KIF26B: variants seen among roughly 807,000 people sequenced by gnomAD.
KIF26B encodes kinesin-like protein KIF26B.
Under a neutral mutation model 151.2 loss-of-function variants are expected in KIF26B, and 63 were observed. That is an observed-to-expected ratio of 0.42 (90% confidence interval 0.34 to 0.51). KIF26B has a LOEUF of 0.51. KIF26B is among the 20% of genes least tolerant of loss of function. KIF26B has a pLI of 0.07. For synonymous variants in KIF26B, 1,357 were observed against 1,262.1 expected, an observed-to-expected ratio of 1.08 and a Z score of -1.59; for missense variants, 2,813 against 2,913.6, an observed-to-expected ratio of 0.97 and a Z score of 0.79.
intron 12 of KIF26B, among the ~76,000 whole-genome samples, chr1:245,691,741 G>T (rs2044628872): frequency 6.6e-6 from 1 of 152,192 alleles, no homozygotes; most frequent in African/African-American, 2.4e-5. Context: ...TAGTAAAAAT[G>T]AACTAGAATT....
At chr1:245,619,074 G>A (rs1048112080) in intron 9 of KIF26B, among the ~76,000 whole-genome samples, 1 of 145,362 alleles carries the variant, frequency 6.9e-6, no homozygotes. Context: ...AGCCCTATTA[G>A]ACTATAGGTT....
At chr1:245,529,427 A>G (rs988514111) in intron 4 of KIF26B, among the ~76,000 whole-genome samples, 1 of 152,210 alleles carries the variant, frequency 6.6e-6, no homozygotes, top group Non-Finnish European at 1.5e-5. Context: ...CTTCTGAGAC[A>G]AAAGCCCCCA....
chr1:245,290,568 A>G (rs1671238765), intron 2 of KIF26B, among the ~76,000 whole-genome samples: 1 of 152,072 alleles, frequency 6.6e-6, no homozygotes, highest in South Asian at 2.1e-4. Context: ...TGCTGGTGGG[A>G]GTGTAGCAGT....
chr1:245,470,100 A>G (rs1659878604), intron 4 of KIF26B, among the ~76,000 whole-genome samples: 1 of 152,070 alleles, frequency 6.6e-6, no homozygotes, highest in African/African-American at 2.4e-5. Context: ...AGCCACACAC[A>G]CTGATTGTTC....
At chr1:245,551,860 C>G (rs1661887925) in intron 5 of KIF26B, among the ~76,000 whole-genome samples, 2 of 152,174 alleles carry the variant, frequency 1.3e-5, no homozygotes, top group Admixed American at 1.3e-4. Context: ...GTTATCCAGG[C>G]TGGGTGCCCC....
rs1462898012 is a variant in KIF26B, at chr1:245,495,986, C to T, written c.1167-44781C>T. Among the ~76,000 whole-genome samples the T allele has an allele frequency of 6.6e-6, 1 of 152,074 alleles. No homozygotes were observed. The highest frequency in any genetic ancestry group is 1.5e-5 in the Non-Finnish European group (1 of 68,022). On this transcript the variant is annotated intron_variant, in intron 4 of 14. Coordinates refer to ENST00000407071, the MANE Select transcript of KIF26B (RefSeq NM_018012.4). The surrounding 1 kb of genome is among the most constrained non-coding windows in gnomAD (Gnocchi z 4.2). ...AAACTTAATAAAGATATTCGTCAAACATTGAAGTGAAATAAAGACATTTCA... is the reference window on the plus strand; with the variant it reads ...AAACTTAATAAAGATATTCGTCAAATATTGAAGTGAAATAAAGACATTTCA...
intron 4 of KIF26B, among the ~76,000 whole-genome samples, chr1:245,465,502 A>C (rs1659766491): frequency 6.6e-6 from 1 of 152,128 alleles, no homozygotes; most frequent in Non-Finnish European, 1.5e-5. Context: ...CGACCAAAGG[A>C]TGGAAAGAGC....
At chr1:245,365,851 C>T (rs1672937065) in intron 2 of KIF26B, among the ~76,000 whole-genome samples, 1 of 152,138 alleles carries the variant, frequency 6.6e-6, no homozygotes, top group South Asian at 2.1e-4. Flanking sequence ...GAGGTCACTG[C>T]AGAACTCCAA....
In KIF26B at chr1:245,244,532, G is replaced by T. The variant is rs56065372; in HGVS notation, c.465+87849G>T. Among the ~76,000 whole-genome samples the T allele has an allele frequency of 0.018, 2,770 of 152,078 alleles. 84 individuals carry two copies. The highest frequency in any genetic ancestry group is 0.061 in the African/African-American group (2,529 of 41,466). ...TAGACCAATTTTATTGTACTTAGTC[G>T]AGTTCTAGAGGGAGCCAGGCCCAGA... On this transcript the variant is annotated intron_variant, in intron 2 of 14. Coordinates refer to ENST00000407071, the MANE Select transcript of KIF26B (RefSeq NM_018012.4). The surrounding 1 kb of genome is among the most constrained non-coding windows in gnomAD (Gnocchi z 4.2).
intron 2 of KIF26B, among the ~76,000 whole-genome samples, chr1:245,194,186 A>G (rs1200872456): frequency 1.3e-5 from 2 of 152,134 alleles, no homozygotes; most frequent in African/African-American, 4.8e-5. Flanking sequence ...ACTGCAGTTC[A>G]GGTTTGGAGA....
At chr1:245,303,197 CTTTTTT>C (rs757473264) in intron 2 of KIF26B, among the ~76,000 whole-genome samples, 3 of 102,606 alleles carry the variant, frequency 2.9e-5, no homozygotes, top group African/African-American at 3.9e-5. Flanking sequence ...ACTAAATGTT[CTTTTTT>C]TTTTTTTTTT....
At chr1:245,344,596 G>A (rs1257504382) in intron 2 of KIF26B, among the ~76,000 whole-genome samples, 4 of 151,912 alleles carry the variant, frequency 2.6e-5, no homozygotes, top group African/African-American at 4.8e-5. Context: ...TGGCTTCTGG[G>A]ATGACCCTGG....
chr1:245,454,022 G>A (rs1659457219), intron 4 of KIF26B, among the ~76,000 whole-genome samples: 1 of 152,168 alleles, frequency 6.6e-6, no homozygotes, highest in East Asian at 1.9e-4. Context: ...CAGGCTGAAT[G>A]CCACTCATAC....
Position 245,705,239 on chromosome 1 carries a change from C to T in KIF26B, c.*2633C>T, listed in dbSNP as rs2044825559. ...TCGCAGGCCACGGTGAAGGAGAATG[C>T]TTTATGTTGATGTTGTCCATTCTCT... On this transcript the variant is annotated 3_prime_UTR_variant, in exon 15 of 15. Coordinates refer to ENST00000407071, the MANE Select transcript of KIF26B (RefSeq NM_018012.4). 1 of 152,216 alleles carries T rather than the reference C, an allele frequency of 6.6e-6. No individual in the cohort carries two copies. The highest frequency in any genetic ancestry group is 2.4e-5 in the African/African-American group (1 of 41,452). 9.4% of individuals were successfully genotyped at this position (152,216 alleles called of 1,614,324 possible).
intron 2 of KIF26B, among the ~76,000 whole-genome samples, chr1:245,194,543 G>GT (rs35540289): frequency 1.3e-5 from 2 of 152,038 alleles, no homozygotes; most frequent in African/African-American, 4.8e-5. Context: ...TGCCTGGCTA[G>GT]TTTTTTGTAT....
chr1:245,550,317 A>C (rs1328458369), intron 5 of KIF26B, among the ~76,000 whole-genome samples: 1 of 152,208 alleles, frequency 6.6e-6, no homozygotes, highest in African/African-American at 2.4e-5. Context: ...TGATGGTAAA[A>C]TTGGTCTGTT....
rs1444711983 is a variant in KIF26B at position 245,394,684 on chromosome 1, C to CT, written c.1000-24892dup. Among the ~76,000 whole-genome samples the CT allele has an allele frequency of 1.0e-3, 129 of 124,398 alleles. 9 individuals are homozygous for CT. Among genetic ancestry groups the CT allele is most frequent in the African/African-American group, 4.7e-3 (119 of 25,238 alleles). The allele number at this position is 124,398 out of a possible 152,430, so 81.6% of individuals were successfully genotyped here. On this transcript the variant is annotated intron_variant, in intron 3 of 14. Coordinates refer to ENST00000407071, the MANE Select transcript of KIF26B (RefSeq NM_018012.4). The stretch of plus-strand genomic sequence containing the variant: ...TTAAAAAGTACCTTCAAGTTTTTTT[C>CT]TTTCTTTTTTTTTTTTTTTTTTTGA...
At chr1:245,699,338 A>G (rs1466811908) in intron 14 of KIF26B, among the ~76,000 whole-genome samples, 2 of 152,200 alleles carry the variant, frequency 1.3e-5, no homozygotes, top group African/African-American at 2.4e-5. Flanking sequence ...TCACCCAGAC[A>G]TGAAGGCTGT....
chr1:245,502,316 C>T (rs1660637235), intron 4 of KIF26B, among the ~76,000 whole-genome samples: 1 of 152,080 alleles, frequency 6.6e-6, no homozygotes, highest in African/African-American at 2.4e-5. Context: ...ATCATGAGGT[C>T]AAGAGTTTGA....
Sources: allele counts gnomAD v4.1 joint callset (sites outside exome capture counted in the v4.1 genomes callset), GRCh38; gene constraint gnomAD v4.1.1; non-coding constraint Gnocchi (gnomAD v3.1); transcripts MANE v1.5; gene names NCBI Gene and HGNC (gene_info 2026-07-23, HGNC 2026-07-21).